The following KSR2 variants were observed in gnomAD, a reference collection of about 807,000 sequenced individuals.
The protein encoded by KSR2 is kinase suppressor of ras 2.
In KSR2, 25 loss-of-function variants were observed where a neutral mutation model predicts 107.8. The ratio of observed to expected loss-of-function variants is 0.23; its 90% CI spans 0.17 to 0.32. The LOEUF (loss-of-function observed/expected upper bound fraction) is 0.32, where lower values mean the gene tolerates loss of function less well. KSR2 is among the 10% of genes least tolerant of loss of function. KSR2 has a pLI of 1.00. For synonymous variants in KSR2, 480 were observed against 507.0 expected, an observed-to-expected ratio of 0.95 and a Z score of 0.71; for missense variants, 887 against 1,268.9, an observed-to-expected ratio of 0.70 and a Z score of 4.57.
intron 3 of KSR2, among the ~76,000 whole-genome samples, chr12:117,833,266 C>G (rs1892053698): frequency 6.6e-6 from 1 of 152,196 alleles, no homozygotes; most frequent in Non-Finnish European, 1.5e-5. Context: ...CATGATGTGT[C>G]TAGCACACTG....
chr12:117,534,453 T>C (rs12304126), intron 10 of KSR2, among the ~76,000 whole-genome samples: 4,620 of 152,194 alleles, frequency 0.03, 203 homozygotes, highest in African/African-American at 0.1. Context: ...TTGCATTTGC[T>C]CAAGGACTCT....
intron 7 of KSR2, among the ~76,000 whole-genome samples, chr12:117,573,776 G>A (rs981303641): frequency 1.3e-5 from 2 of 152,016 alleles, no homozygotes; most frequent in Non-Finnish European, 2.9e-5. Flanking sequence ...TGATCCACCC[G>A]CTTCAGCCAC....
In KSR2 at chr12:117,475,142, A is replaced by G. The variant is rs1321168354; in HGVS notation, c.2582+1322T>C. Among the ~76,000 whole-genome samples the G allele has an allele frequency of 2.6e-5, 4 of 151,924 alleles. No individual in the cohort carries two copies. The East Asian group carries it at 7.7e-4, about 29-fold the overall frequency. On this transcript the variant is annotated intron_variant, in intron 17 of 19. Transcript: ENST00000339824. Reference sequence around the variant, plus strand: ...CCTCTCCTTCTTCATTCCATTCTCTACTCAGCAGCCAGAGTGATCTGATTG... The same window carrying G: ...CCTCTCCTTCTTCATTCCATTCTCTGCTCAGCAGCCAGAGTGATCTGATTG...
chr12:117,489,720 T>C (rs1448461387), intron 14 of KSR2, among the ~76,000 whole-genome samples: 1 of 152,130 alleles, frequency 6.6e-6, no homozygotes, highest in Non-Finnish European at 1.5e-5. Flanking sequence ...ACAGAGGAAT[T>C]TGGGGCTCCA....
intron 5 of KSR2, among the ~76,000 whole-genome samples, chr12:117,595,426 G>A (rs570537706): frequency 0.014 from 1,922 of 137,640 alleles, 43 homozygotes; most frequent in African/African-American, 0.049. Flanking sequence ...CTGCAGTGGC[G>A]CAATCTCGGC....
chr12:117,503,852 T>G (rs1353615520), intron 14 of KSR2, among the ~76,000 whole-genome samples: 1 of 152,062 alleles, frequency 6.6e-6, no homozygotes, highest in Non-Finnish European at 1.5e-5. Context: ...TCAGCAAAAA[T>G]AAGAGACTGC....
chr12:117,744,119 T>C (rs574748078), intron 4 of KSR2, among the ~76,000 whole-genome samples: 1 of 152,334 alleles, frequency 6.6e-6, no homozygotes, highest in African/African-American at 2.4e-5. Context: ...CATCATGGCA[T>C]AGCGGAAAGA....
intron 5 of KSR2, among the ~76,000 whole-genome samples, chr12:117,601,541 A>G (rs1880956952): frequency 6.6e-6 from 1 of 152,158 alleles, no homozygotes; most frequent in Admixed American, 6.5e-5. Flanking sequence ...ACACTATGAG[A>G]TCACGGAGGC....
intron 3 of KSR2, among the ~76,000 whole-genome samples, chr12:117,800,521 A>G (rs1056706366): frequency 1.3e-5 from 2 of 152,226 alleles, no homozygotes. Flanking sequence ...AGGATAGTGT[A>G]TTAGTCCATT....
intron 14 of KSR2, among the ~76,000 whole-genome samples, chr12:117,508,723 G>A (rs976786049): frequency 1.3e-5 from 2 of 152,018 alleles, no homozygotes; most frequent in Admixed American, 6.6e-5. Context: ...ATGGATGAGA[G>A]GGTGGGTGCA....
rs561949441 is a variant in KSR2, at chr12:117,794,544, ACT to A, written c.473-33022_473-33021del. On this transcript the variant is annotated intron_variant, in intron 3 of 19. Coordinates refer to ENST00000339824, the MANE Select transcript of KSR2 (RefSeq NM_173598.6). ...ACCAACATGCACACACAACATGCACACTCAACCAACATGCACACACACCAACA... is the reference window on the plus strand; with the variant it reads ...ACCAACATGCACACACAACATGCACACAACCAACATGCACACACACCAACA... Among the ~76,000 whole-genome samples, 162 of 130,922 alleles carry A rather than the reference ACT, an allele frequency of 1.2e-3. 3 individuals carry two copies. The highest frequency in any genetic ancestry group is 4.6e-3 in the African/African-American group (152 of 33,266). The allele number at this position is 130,922 out of a possible 152,430, so 85.9% of individuals were successfully genotyped here. A position where few individuals can be genotyped will look rare whatever the true frequency, so the allele number is the denominator to read the frequency against.
intron 1 of KSR2, among the ~76,000 whole-genome samples, chr12:117,967,754 C>A: frequency 6.6e-6 from 1 of 152,058 alleles, no homozygotes; most frequent in East Asian, 1.9e-4. Context: ...AGAGAGAACT[C>A]CCTCCTCAGC....
At chr12:117,594,306 A>C (rs1169579524) in intron 5 of KSR2, among the ~76,000 whole-genome samples, 1 of 152,194 alleles carries the variant, frequency 6.6e-6, no homozygotes, top group East Asian at 1.9e-4. Flanking sequence ...CCAGGTTTTC[A>C]AAAACCCAAG....
At chr12:117,482,500 G>A (rs943516800) in intron 16 of KSR2, among the ~76,000 whole-genome samples, 1 of 152,186 alleles carries the variant, frequency 6.6e-6, no homozygotes, top group Non-Finnish European at 1.5e-5. Flanking sequence ...TTCTTGTTGG[G>A]AGATGTTGCT....
At position 117,460,651 on chromosome 12, in the gene KSR2, G is replaced by A. The variant is rs1349917511; in HGVS notation, c.*6548C>T. On this transcript the variant is annotated 3_prime_UTR_variant, in exon 20 of 20. Transcript: ENST00000339824. ...TTTCCTGGTTCCAAGTTGCCAATAA[G>A]TCTCAGAGGCTGGGATTGTAACATC... 1 of 152,238 alleles carries A rather than the reference G, an allele frequency of 6.6e-6. No individual in the cohort carries two copies. The highest frequency in any genetic ancestry group is 1.5e-5 in the Non-Finnish European group (1 of 68,150). The allele number at this position is 152,238 out of a possible 1,614,324, so 9.4% of individuals were successfully genotyped here.
chr12:117,722,586 C>T (rs921471585), intron 4 of KSR2, among the ~76,000 whole-genome samples: 10 of 152,178 alleles, frequency 6.6e-5, no homozygotes, highest in Admixed American at 2.6e-4. Flanking sequence ...GCCATGACAA[C>T]GTCAGAAAGT....
intron 1 of KSR2, among the ~76,000 whole-genome samples, chr12:117,942,611 C>T (rs999277501): frequency 8.6e-5 from 13 of 151,340 alleles, no homozygotes; most frequent in African/African-American, 2.9e-4. Context: ...ACTTCAGCCT[C>T]CCAAGTAACT....
At chr12:117,810,881 C>G (rs1051999159) in intron 3 of KSR2, among the ~76,000 whole-genome samples, 1 of 152,030 alleles carries the variant, frequency 6.6e-6, no homozygotes, top group African/African-American at 2.4e-5. Flanking sequence ...CTTATAAAAA[C>G]AAAGCTAAAA....
chr12:117,576,603 T>A (rs955428790), intron 7 of KSR2, among the ~76,000 whole-genome samples: 1 of 152,094 alleles, frequency 6.6e-6, no homozygotes, highest in African/African-American at 2.4e-5. Context: ...GCTCAAGTGA[T>A]CCTCCTGCCC....
Sources: allele counts gnomAD v4.1 joint callset (sites outside exome capture counted in the v4.1 genomes callset), GRCh38; gene constraint gnomAD v4.1.1; transcripts MANE v1.5; gene names NCBI Gene and HGNC (gene_info 2026-07-23, HGNC 2026-07-21).